Variants in PRKX observed in about 807,000 individuals in gnomAD.
PRKX encodes cAMP-dependent protein kinase catalytic subunit PRKX.
PRKX carries 12 observed loss-of-function variants against 22.0 expected under a neutral mutation model. The ratio of observed to expected loss-of-function variants is 0.54; its 90% CI spans 0.35 to 0.88. The LOEUF is 0.88. Among genes scored for constraint, PRKX ranks in the 40% least tolerant of loss-of-function variants. The probability of loss-of-function intolerance (pLI) is 0.01; values close to 1 mark genes in which losing one functional copy is unlikely to be tolerated. For synonymous variants in PRKX, 134 were observed against 137.7 expected, an observed-to-expected ratio of 0.97 and a Z score of 0.19; for missense variants, 217 against 308.0, an observed-to-expected ratio of 0.70 and a Z score of 2.21.
At chrX:3,620,685 A>T (rs1461511583) in intron 6 of PRKX, among the ~76,000 whole-genome samples, 1 of 112,198 alleles carries the variant, frequency 8.9e-6, no homozygotes, top group Non-Finnish European at 1.9e-5. Context: ...CTGTGGAAAA[A>T]CTGTCTTCCA....
chrX:3,668,637 G>A (rs896292588), intron 2 of PRKX, among the ~76,000 whole-genome samples: 1 of 111,945 alleles, frequency 8.9e-6, no homozygotes. Context: ...GATGTGGCCC[G>A]GAGTGGAGAG....
chrX:3,680,489 G>A (rs752188505), intron 1 of PRKX, among the ~76,000 whole-genome samples: 5 of 110,677 alleles, frequency 4.5e-5, no homozygotes, highest in Non-Finnish European at 5.7e-5. Context: ...GGAGAAAGAC[G>A]ACCTCCACAC....
In PRKX at chrX:3,616,693, AC is replaced by A. The variant is rs1329663889; in HGVS notation, c.874-802del. ...ATCCTTAAAGAGGAATACGTCCACA[AC>A]CATATCTTCAAAAGGAAACAGTAAT... On this transcript the variant is annotated intron_variant, in intron 6 of 8. Coordinates refer to ENST00000262848, the MANE Select transcript of PRKX (RefSeq NM_005044.5). Among the ~76,000 whole-genome samples the A allele has an allele frequency of 2.7e-5, 3 of 112,305 alleles. No individual in the cohort carries two copies. In the East Asian group the frequency reaches 8.3e-4, roughly 31 times the overall value.
chrX:3,689,227 A>G (rs1274113009), intron 1 of PRKX, among the ~76,000 whole-genome samples: 2 of 112,722 alleles, frequency 1.8e-5, no homozygotes, highest in Non-Finnish European at 3.7e-5. Context: ...CCCCCTGGGT[A>G]AAATCAATAA....
chrX:3,704,253 A>G lies in PRKX; in HGVS notation c.166+8835T>C, dbSNP rs535531832. Among the ~76,000 whole-genome samples the G allele has an allele frequency of 3.6e-4, 40 of 111,688 alleles. 1 individual carries two copies. In the South Asian group the frequency reaches 0.014, roughly 38 times the overall value. On this transcript the variant is annotated intron_variant, in intron 1 of 8. Coordinates refer to ENST00000262848, the MANE Select transcript of PRKX (RefSeq NM_005044.5). ...GGGCCTGCCAAGTTTACCCGCACAC[A>G]CGTATTACCAAATTCATCCACATGC... is the stretch of plus-strand genomic sequence containing the variant.
chrX:3,634,945 C>T (rs1271234657), intron 4 of PRKX, among the ~76,000 whole-genome samples: 1 of 112,283 alleles, frequency 8.9e-6, no homozygotes, highest in Non-Finnish European at 1.9e-5. Flanking sequence ...CTCAAGTGAT[C>T]CTCCCACCTC....
intron 2 of PRKX, among the ~76,000 whole-genome samples, chrX:3,660,012 C>G (rs1206263349): frequency 9.0e-6 from 1 of 111,596 alleles, no homozygotes; most frequent in African/African-American, 3.3e-5. Context: ...CAGCTAAATG[C>G]CCTGTTTTTC....
At chrX:3,670,648 C>T (rs1927828759) in intron 2 of PRKX, among the ~76,000 whole-genome samples, 1 of 109,465 alleles carries the variant, frequency 9.1e-6, no homozygotes, top group Non-Finnish European at 1.9e-5. Context: ...CAGGATCAAG[C>T]GATCCCCCTA....
intron 4 of PRKX, among the ~76,000 whole-genome samples, chrX:3,635,428 G>A (rs1474076165): frequency 2.7e-5 from 3 of 111,617 alleles, no homozygotes; most frequent in Non-Finnish European, 5.6e-5. Flanking sequence ...TCACTCATCT[G>A]CTGAAACACA....
At chrX:3,632,381 C>T (rs756475159) in intron 4 of PRKX, among the ~76,000 whole-genome samples, 18 of 111,195 alleles carry the variant, frequency 1.6e-4, no homozygotes, top group Non-Finnish European at 3.0e-4. Context: ...CCGAGCCCGT[C>T]CTCCCTCACC....
chrX:3,681,658 T>A lies in PRKX; in HGVS notation c.167-6892A>T, dbSNP rs180704906. The stretch of plus-strand genomic sequence containing the variant: ...AGGGAGATTTTGTCTCAAAAAAAAA[T>A]TTTTTTTAAATAATAAATATATCTC... On this transcript the variant is annotated intron_variant, in intron 1 of 8. Coordinates refer to ENST00000262848, the MANE Select transcript of PRKX (RefSeq NM_005044.5). Among the ~76,000 whole-genome samples the A allele has an allele frequency of 3.6e-3, 320 of 88,772 alleles. 3 individuals are homozygous for A. The highest frequency in any genetic ancestry group is 0.011 in the African/African-American group (303 of 26,850). 77.1% of individuals were successfully genotyped at this position (88,772 alleles called of 115,157 possible). A position where few individuals can be genotyped will look rare whatever the true frequency, so the allele number is the denominator to read the frequency against.
chrX:3,682,257 C>T (rs753091371), intron 1 of PRKX, among the ~76,000 whole-genome samples: 20 of 111,034 alleles, frequency 1.8e-4, no homozygotes, highest in African/African-American at 5.6e-4. Context: ...GCTGCAAGAG[C>T]AACGCCGCAC....
intron 1 of PRKX, among the ~76,000 whole-genome samples, chrX:3,703,317 C>A (rs894476984): frequency 8.9e-6 from 1 of 111,769 alleles, no homozygotes; most frequent in Admixed American, 9.5e-5. Flanking sequence ...TCATGATAAT[C>A]CCTTGACCTG....
In PRKX at chrX:3,629,442, G is replaced by A. The variant is rs1926725750; in HGVS notation, c.720-2928C>T. On this transcript the variant is annotated intron_variant, in intron 4 of 8. Transcript: ENST00000262848. ...TTTTTTTTTTTTTTAATTTTTGGTA[G>A]AGACAAGGTCTCACTATGTTGCCCA... is the stretch of plus-strand genomic sequence containing the variant. Among the ~76,000 whole-genome samples, 4 of 105,325 alleles carry A rather than the reference G, an allele frequency of 3.8e-5. No individual in the cohort carries two copies. In the South Asian group the frequency reaches 1.8e-3, roughly 46 times the overall value. The allele number at this position is 105,325 out of a possible 115,157, so 91.5% of individuals were successfully genotyped here.
chrX:3,652,870 C>G (rs1450447312), intron 3 of PRKX, among the ~76,000 whole-genome samples: 1 of 110,601 alleles, frequency 9.0e-6, no homozygotes, highest in Non-Finnish European at 1.9e-5. Context: ...GCACAGAGGA[C>G]AATCCTGTGA....
chrX:3,689,729 A>G (rs12399443), intron 1 of PRKX, among the ~76,000 whole-genome samples: 33,264 of 110,807 alleles, frequency 0.3, 3,821 homozygotes, highest in Middle Eastern at 0.38. Flanking sequence ...TGTAATCCCA[A>G]CACTTTGGGA....
intron 6 of PRKX, among the ~76,000 whole-genome samples, chrX:3,620,021 A>T (rs1926522003): frequency 1.8e-5 from 2 of 111,973 alleles, no homozygotes; most frequent in South Asian, 7.5e-4. Flanking sequence ...GATACTACTT[A>T]AGGAATAGTC....
chrX:3,614,887 T>C (rs1282583668), intron 7 of PRKX, among the ~76,000 whole-genome samples: 2 of 110,145 alleles, frequency 1.8e-5, no homozygotes, highest in Non-Finnish European at 3.8e-5. Context: ...CCCCCATAAA[T>C]ATGTACCTGT....
intron 4 of PRKX, among the ~76,000 whole-genome samples, chrX:3,638,966 G>C: frequency 9.9e-6 from 1 of 101,089 alleles, no homozygotes; most frequent in African/African-American, 3.7e-5. Flanking sequence ...TAAAAAGATC[G>C]TAGAGATAAA....
Sources: allele counts gnomAD v4.1 joint callset (sites outside exome capture counted in the v4.1 genomes callset), GRCh38; gene constraint gnomAD v4.1.1; transcripts MANE v1.5; gene names NCBI Gene and HGNC (gene_info 2026-07-23, HGNC 2026-07-21).